The following CHRM3 variants were observed in gnomAD, a reference collection of about 807,000 sequenced individuals.
CHRM3 encodes the protein cholinergic receptor muscarinic 3.
A neutral mutation model predicts 41.8 loss-of-function variants in CHRM3; 11 were observed. That is an observed-to-expected ratio of 0.26 (90% CI 0.17 to 0.44). The LOEUF is 0.44. CHRM3 is among the 20% of genes least tolerant of loss of function. The pLI is 1.00. For missense variants in CHRM3, 571 were observed against 745.4 expected (o/e 0.77, Z 2.72); for synonymous variants, 297 against 301.4 (o/e 0.99, Z 0.15).
chr1:239,589,651 T>C (rs1355234959), intron 3 of CHRM3, among the ~76,000 whole-genome samples: 1 of 140,838 alleles, frequency 7.1e-6, no homozygotes, highest in African/African-American at 2.7e-5. Flanking sequence ...TATATATATA[T>C]ATATATATAT....
intron 6 of CHRM3, among the ~76,000 whole-genome samples, chr1:239,829,416 G>T (rs1159340263): frequency 3.7e-5 from 5 of 136,834 alleles, no homozygotes; most frequent in Admixed American, 7.5e-5. Context: ...TTTTTTTTTT[G>T]AAAAAGAAAA....
At position 239,686,560 on chromosome 1, in the gene CHRM3, C is replaced by T. The variant is rs150046659; in HGVS notation, c.-147+8272C>T. On this transcript the variant is annotated intron_variant, in intron 5 of 6. Transcript: ENST00000676153. ...CCCCAGAGCCCTTCCTTCATATTTA[C>T]GCAGAATTCACCACTCTGCACTATA... Among the ~76,000 whole-genome samples the T allele has an allele frequency of 2.7e-3, 407 of 152,210 alleles. 2 individuals carry two copies. Among genetic ancestry groups the T allele is most frequent in the African/African-American group, 9.1e-3 (380 of 41,534 alleles).
intron 6 of CHRM3, among the ~76,000 whole-genome samples, chr1:239,846,688 A>C (rs1252833250): frequency 1.3e-5 from 2 of 152,172 alleles, no homozygotes; most frequent in African/African-American, 2.4e-5. Flanking sequence ...TTATACCCAC[A>C]ATTTTTTTAA....
chr1:239,662,534 A>G (rs1419862488), intron 4 of CHRM3, among the ~76,000 whole-genome samples: 1 of 152,140 alleles, frequency 6.6e-6, no homozygotes, highest in African/African-American at 2.4e-5. Flanking sequence ...TGAGAACAGC[A>G]CAATTGAATT....
chr1:239,413,868 A>G (rs1158212464), intron 1 of CHRM3, among the ~76,000 whole-genome samples: 4 of 152,202 alleles, frequency 2.6e-5, no homozygotes, highest in African/African-American at 9.6e-5. Flanking sequence ...GCTAAATGTC[A>G]GTTTGTTTTT....
At chr1:239,906,688 C>T (rs1029080716) in intron 6 of CHRM3, among the ~76,000 whole-genome samples, 9 of 152,130 alleles carry the variant, frequency 5.9e-5, no homozygotes, top group South Asian at 2.1e-4. Context: ...ATGTGTGACA[C>T]GCTAAAATAC....
At chr1:239,612,414 G>C (rs1317180300) in intron 3 of CHRM3, among the ~76,000 whole-genome samples, 2 of 152,108 alleles carry the variant, frequency 1.3e-5, no homozygotes, top group Non-Finnish European at 2.9e-5. Context: ...GTTTTGCAAA[G>C]GGTTCTTTAC....
intron 5 of CHRM3, chr1:239,826,916 A>G (rs1198372711): frequency 6.6e-6 from 1 of 152,224 alleles, no homozygotes; most frequent in Non-Finnish European, 1.5e-5. Flanking sequence ...TATTGGCAAT[A>G]TATGTGAGGA....
At chr1:239,694,877 T>C (rs1448010744) in intron 5 of CHRM3, among the ~76,000 whole-genome samples, 1 of 152,224 alleles carries the variant, frequency 6.6e-6, no homozygotes, top group Admixed American at 6.5e-5. Context: ...TTTATTTTTA[T>C]CAGTCTTTTT....
intron 5 of CHRM3, among the ~76,000 whole-genome samples, chr1:239,758,509 T>C (rs1666425151): frequency 6.6e-6 from 1 of 152,200 alleles, no homozygotes; most frequent in African/African-American, 2.4e-5. Flanking sequence ...TATTGGAATA[T>C]GAAGATATTA....
intron 1 of CHRM3, among the ~76,000 whole-genome samples, chr1:239,434,428 T>C (rs1014587051): frequency 3.3e-5 from 5 of 152,328 alleles, no homozygotes; most frequent in Non-Finnish European, 5.9e-5. Flanking sequence ...CAAGACTCTC[T>C]CTCTATCTAT....
chr1:239,902,479 G>A (rs1034148908), intron 6 of CHRM3, among the ~76,000 whole-genome samples: 3 of 152,152 alleles, frequency 2.0e-5, no homozygotes, highest in African/African-American at 4.8e-5. Context: ...AATTAATGAC[G>A]ATGAGAACAT....
intron 1 of CHRM3, among the ~76,000 whole-genome samples, chr1:239,417,196 T>G (rs1661562062): frequency 6.6e-6 from 1 of 152,236 alleles, no homozygotes; most frequent in African/African-American, 2.4e-5. Flanking sequence ...GAATATGCGT[T>G]GCTCACACAT....
chr1:239,406,326 AG>A (rs1660593893), intron 1 of CHRM3, among the ~76,000 whole-genome samples: 1 of 152,228 alleles, frequency 6.6e-6, no homozygotes, highest in South Asian at 2.1e-4. Flanking sequence ...TGGTGGCTCC[AG>A]GAAGTATGCA....
intron 2 of CHRM3, among the ~76,000 whole-genome samples, chr1:239,531,549 A>C (rs1670402648): frequency 6.6e-6 from 1 of 151,168 alleles, no homozygotes; most frequent in Admixed American, 6.6e-5. Context: ...GGAGTTATGA[A>C]TTAAGTGTTT....
At chr1:239,886,697 G>A (rs1678100380) in intron 6 of CHRM3, 1 of 152,076 alleles carries the variant, frequency 6.6e-6, no homozygotes, top group Non-Finnish European at 1.5e-5. Flanking sequence ...CTCTAATTAA[G>A]AATTTTAAGT....
Position 239,909,262 on chromosome 1 carries a change from A to T in CHRM3, c.*38A>T. ...TCAATAGCAGTGACAAAACGCACAC[A>T]TCAACCCACAGACCTTAGGAGGAGG... On this transcript the variant is annotated 3_prime_UTR_variant, in exon 7 of 7. Coordinates refer to ENST00000676153, the MANE Select transcript of CHRM3 (RefSeq NM_001375978.1). 1 of 1,557,264 alleles carries T rather than the reference A, an allele frequency of 6.4e-7. No homozygotes were observed. Among genetic ancestry groups the T allele is most frequent in the African/African-American group, 1.4e-5 (1 of 73,544 alleles).
At chr1:239,535,062 TA>T (rs1658061326) in intron 2 of CHRM3, among the ~76,000 whole-genome samples, 1 of 152,214 alleles carries the variant, frequency 6.6e-6, no homozygotes, top group South Asian at 2.1e-4. Context: ...GATCTTTTAG[TA>T]TTTGCAGCCT....
At chr1:239,502,672 G>A (rs1558271659) in intron 2 of CHRM3, among the ~76,000 whole-genome samples, 1 of 152,160 alleles carries the variant, frequency 6.6e-6, no homozygotes, top group African/African-American at 2.4e-5. Context: ...GAATGTAGAT[G>A]CTAAAATCCT....
Sources: gnomAD v4.1 joint callset for allele counts (sites outside exome capture counted in the v4.1 genomes callset) on GRCh38, gnomAD v4.1.1 for gene constraint, MANE v1.5 for transcripts, NCBI Gene and HGNC (gene_info 2026-07-23, HGNC 2026-07-21) for gene names.